The following ATP6V1H variants were observed in gnomAD, a reference collection of about 807,000 sequenced individuals.
ATP6V1H encodes the protein V-type proton ATPase subunit H.
A neutral mutation model predicts 71.7 loss-of-function variants in ATP6V1H; 39 were observed. The observed-to-expected ratio is 0.54, with a 90% confidence interval of 0.42 to 0.71. ATP6V1H has a LOEUF of 0.71. Ranked by LOEUF, ATP6V1H falls within the 30% of genes least tolerant of loss-of-function variation. ATP6V1H has a pLI of 0.00. For missense variants in ATP6V1H, 509 were observed against 594.9 expected, an observed-to-expected ratio of 0.86 and a Z score of 1.50; for synonymous variants, 192 against 199.3, an observed-to-expected ratio of 0.96 and a Z score of 0.31.
At chr8:53,774,081 G>C (rs1808775772) in intron 9 of ATP6V1H, among the ~76,000 whole-genome samples, 2 of 152,216 alleles carry the variant, frequency 1.3e-5, no homozygotes, top group African/African-American at 4.8e-5. Context: ...AAAAGGAGAG[G>C]AGGAAGAGAA....
intron 9 of ATP6V1H, among the ~76,000 whole-genome samples, chr8:53,785,525 T>C (rs1488626358): frequency 6.6e-6 from 1 of 152,236 alleles, no homozygotes; most frequent in Non-Finnish European, 1.5e-5. Flanking sequence ...TCTGAAGCCT[T>C]CTTCTCTCAA....
intron 13 of ATP6V1H, among the ~76,000 whole-genome samples, chr8:53,730,626 A>C (rs1485628111): frequency 6.6e-6 from 1 of 152,210 alleles, no homozygotes; most frequent in Non-Finnish European, 1.5e-5. Flanking sequence ...TCAGGGCTGC[A>C]GGGTCATAAT....
At chr8:53,823,061 CA>C (rs917576754) in intron 4 of ATP6V1H, among the ~76,000 whole-genome samples, 1 of 150,584 alleles carries the variant, frequency 6.6e-6, no homozygotes, top group African/African-American at 2.4e-5. Context: ...ACTCTTAGTA[CA>C]AAAAAAACCA....
rs537060924 is a variant in ATP6V1H, at chr8:53,792,990, T to A, written c.870+2657A>T. On this transcript the variant is annotated intron_variant, in intron 9 of 13. Coordinates refer to ENST00000359530, the MANE Select transcript of ATP6V1H (RefSeq NM_015941.4). ...AATTATATGTGGAATACATTTAAAGTAATTAGGACAGTGCCTGACACAGAA... is the reference window on the plus strand; with the variant it reads ...AATTATATGTGGAATACATTTAAAGAAATTAGGACAGTGCCTGACACAGAA... 2.2e-3 allele frequency among the ~76,000 whole-genome samples: 337 copies of A among 152,272 alleles called. 2 individuals are homozygous for A. The highest frequency in any genetic ancestry group is 7.8e-3 in the African/African-American group (326 of 41,562).
intron 7 of ATP6V1H, among the ~76,000 whole-genome samples, chr8:53,809,955 A>G (rs1353778054): frequency 6.6e-6 from 1 of 152,144 alleles, no homozygotes; most frequent in Non-Finnish European, 1.5e-5. Flanking sequence ...CTGGCCTAAC[A>G]TATGAGTCAT....
chr8:53,744,730 A>G lies in ATP6V1H; in HGVS notation c.1278-1040T>C, dbSNP rs529941216. ...AAAAAAAATGCACTGAACTGAGGGG[A>G]AAAAAAAGAACATAATGTAACTATC... On this transcript the variant is annotated intron_variant, in intron 12 of 13. Coordinates refer to ENST00000359530, the MANE Select transcript of ATP6V1H (RefSeq NM_015941.4). 1.7e-3 allele frequency among the ~76,000 whole-genome samples: 256 copies of G among 152,188 alleles called. 2 individuals carry two copies. Among genetic ancestry groups the G allele is most frequent in the African/African-American group, 5.8e-3 (241 of 41,522 alleles).
At chr8:53,811,247 G>T in intron 6 of ATP6V1H, 30 bp from the exon 7 acceptor site, 1 of 1,596,288 alleles carries the variant, frequency 6.3e-7, no homozygotes, top group Non-Finnish European at 8.6e-7. Flanking sequence ...TCATTATTTA[G>T]TTTTGTTTTG....
chr8:53,755,706 A>T (rs1183300715), intron 12 of ATP6V1H, among the ~76,000 whole-genome samples: 3 of 2,658 alleles, frequency 1.1e-3, no homozygotes, highest in African/African-American at 4.5e-3. Flanking sequence ...ATATATATAT[A>T]TATATATATA....
At chr8:53,761,392 TCA>T (rs1193872267) in intron 11 of ATP6V1H, among the ~76,000 whole-genome samples, 1 of 148,598 alleles carries the variant, frequency 6.7e-6, no homozygotes, top group Non-Finnish European at 1.5e-5. Context: ...TTCAGAAAAA[TCA>T]CAGTGTCATA....
intron 13 of ATP6V1H, among the ~76,000 whole-genome samples, chr8:53,733,442 C>T (rs955451367): frequency 2.6e-5 from 4 of 152,188 alleles, no homozygotes; most frequent in African/African-American, 7.2e-5. Context: ...AGTGTGTCGA[C>T]GACCTCCTGC....
chr8:53,753,055 C>A (rs1288986559), intron 12 of ATP6V1H, among the ~76,000 whole-genome samples: 10 of 150,708 alleles, frequency 6.6e-5, no homozygotes, highest in African/African-American at 2.2e-4. Context: ...AAAACAACAA[C>A]CCTATAACCA....
At chr8:53,724,924 G>T (rs900734955) in intron 13 of ATP6V1H, among the ~76,000 whole-genome samples, 2 of 149,810 alleles carry the variant, frequency 1.3e-5, no homozygotes, top group Non-Finnish European at 3.0e-5. Context: ...TATGTGACTA[G>T]ATCAGTCAAC....
intron 12 of ATP6V1H, among the ~76,000 whole-genome samples, chr8:53,751,370 A>C (rs1413391988): frequency 6.6e-6 from 1 of 152,222 alleles, no homozygotes; most frequent in Non-Finnish European, 1.5e-5. Context: ...CTATGTGGAT[A>C]AAAAGGCTGT....
chr8:53,807,063 G>T (rs1003012834), intron 7 of ATP6V1H, among the ~76,000 whole-genome samples: 3 of 152,112 alleles, frequency 2.0e-5, no homozygotes, highest in African/African-American at 7.2e-5. Context: ...TTTAATAACA[G>T]GCCTGCAGTA....
rs142022634 is a variant in ATP6V1H, at chr8:53,762,601, A to G, written c.1176-5945T>C. On this transcript the variant is annotated intron_variant, in intron 11 of 13. Transcript: ENST00000359530. ...AAAATAATGAACAGCAATTAATATA[A>G]CATAGTATTGGAGTAAGAATAAACA... is the stretch of plus-strand genomic sequence containing the variant. Among the ~76,000 whole-genome samples the G allele has an allele frequency of 1.8e-3, 280 of 152,318 alleles. 4 individuals carry two copies. The East Asian group carries it at 0.045, about 25-fold the overall frequency.
intron 4 of ATP6V1H, among the ~76,000 whole-genome samples, chr8:53,820,543 T>C (rs1289917411): frequency 1.3e-5 from 2 of 151,646 alleles, no homozygotes; most frequent in Non-Finnish European, 2.9e-5. Flanking sequence ...GGTAAGCGCC[T>C]GTAGTTCCAG....
rs112380570 is a variant in ATP6V1H, at chr8:53,727,918, C to T, written c.1392-11894G>A. Among the ~76,000 whole-genome samples the T allele has an allele frequency of 2.6e-3, 391 of 152,270 alleles. 2 individuals carry two copies. The highest frequency in any genetic ancestry group is 8.8e-3 in the African/African-American group (366 of 41,550). On this transcript the variant is annotated intron_variant, in intron 13 of 13. Coordinates refer to ENST00000359530, the MANE Select transcript of ATP6V1H (RefSeq NM_015941.4). Reference sequence around the variant, plus strand: ...ACTGCCAATCTTGATGTGACTCATTCGCCACCAGCTCCATGCAATCATTAA... The same window carrying T: ...ACTGCCAATCTTGATGTGACTCATTTGCCACCAGCTCCATGCAATCATTAA...
At chr8:53,803,703 C>T (rs1002193167) in intron 7 of ATP6V1H, among the ~76,000 whole-genome samples, 2 of 151,922 alleles carry the variant, frequency 1.3e-5, no homozygotes, top group African/African-American at 4.8e-5. Context: ...CCTGAAAACT[C>T]GAAACATTAG....
chr8:53,790,490 A>G lies in ATP6V1H; in HGVS notation c.870+5157T>C, dbSNP rs943975784. 3.3e-5 allele frequency among the ~76,000 whole-genome samples: 5 copies of G among 152,344 alleles called. 2 individuals carry two copies. In the East Asian group the frequency reaches 9.6e-4, roughly 29 times the overall value. ...ATTAGGCACCAAAGGTTCATTTAGC[A>G]CATATTTTTCGAAGGGTATTATCAT... On this transcript the variant is annotated intron_variant, in intron 9 of 13. Transcript: ENST00000359530.
Sources: allele counts gnomAD v4.1 joint callset (sites outside exome capture counted in the v4.1 genomes callset), GRCh38; gene constraint gnomAD v4.1.1; transcripts MANE v1.5; gene names NCBI Gene and HGNC (gene_info 2026-07-23, HGNC 2026-07-21).